EYA4: variants seen among roughly 807,000 people sequenced by gnomAD.
EYA4 encodes the protein protein phosphatase EYA4.
Under a neutral mutation model 87.9 loss-of-function variants are expected in EYA4, and 31 were observed. That is an observed-to-expected ratio of 0.35 (90% CI 0.27 to 0.48). The LOEUF is 0.48. EYA4 is among the 20% of genes least tolerant of loss of function. The probability of loss-of-function intolerance (pLI) is 0.99; values close to 1 mark genes in which losing one functional copy is unlikely to be tolerated. For missense variants in EYA4, 678 were observed against 761.4 expected (o/e 0.89, Z 1.29); for synonymous variants, 263 against 270.6 (o/e 0.97, Z 0.28).
chr6:133,389,112 C>T (rs1441008818), intron 3 of EYA4, among the ~76,000 whole-genome samples: 2 of 152,122 alleles, frequency 1.3e-5, no homozygotes, highest in Admixed American at 6.5e-5. Context: ...GTTTTGCGCC[C>T]GTTGCAGCAC....
chr6:133,297,590 C>T (rs894293078), intron 2 of EYA4, among the ~76,000 whole-genome samples: 1 of 152,200 alleles, frequency 6.6e-6, no homozygotes, highest in African/African-American at 2.4e-5. Flanking sequence ...TACTAACACC[C>T]AAGTTTGAGT....
chr6:133,389,113 G>A (rs1016964958), intron 3 of EYA4, among the ~76,000 whole-genome samples: 3 of 152,086 alleles, frequency 2.0e-5, no homozygotes, highest in Middle Eastern at 6.8e-3. Context: ...TTTTGCGCCC[G>A]TTGCAGCACT....
chr6:133,461,437 A>C (rs934444147), intron 7 of EYA4, among the ~76,000 whole-genome samples: 6 of 152,162 alleles, frequency 3.9e-5, no homozygotes, highest in Non-Finnish European at 8.8e-5. Context: ...AAAAATCTAA[A>C]GAGATTACAT....
intron 13 of EYA4, among the ~76,000 whole-genome samples, chr6:133,486,139 T>G (rs953704127): frequency 6.6e-6 from 1 of 152,360 alleles, no homozygotes; most frequent in East Asian, 1.9e-4. Flanking sequence ...GGCTATATTT[T>G]TTTTAATAAA....
intron 17 of EYA4, among the ~76,000 whole-genome samples, chr6:133,516,968 C>T (rs1799652643): frequency 6.6e-6 from 1 of 152,134 alleles, no homozygotes; most frequent in South Asian, 2.1e-4. Context: ...AATAGTGCTG[C>T]AGTGAACATG....
chr6:133,454,128 C>G (rs1205150764), intron 5 of EYA4, among the ~76,000 whole-genome samples: 1 of 152,130 alleles, frequency 6.6e-6, no homozygotes, highest in Non-Finnish European at 1.5e-5. Context: ...ACACAGCTCA[C>G]ATTCTGCCAC....
At chr6:133,279,475 C>T (rs780317281) in intron 2 of EYA4, among the ~76,000 whole-genome samples, 7 of 151,992 alleles carry the variant, frequency 4.6e-5, no homozygotes, top group Non-Finnish European at 1.0e-4. Context: ...AAATATAATA[C>T]ATTTATATTT....
Position 133,370,246 on chromosome 6 carries a change from A to G in EYA4, c.34-12146A>G, listed in dbSNP as rs569719579. Among the ~76,000 whole-genome samples the G allele has an allele frequency of 2.6e-5, 4 of 152,326 alleles. No individual in the cohort carries two copies. The South Asian group carries it at 8.3e-4, about 32-fold the overall frequency. On this transcript the variant is annotated intron_variant, in intron 2 of 19. Coordinates refer to ENST00000355286, the MANE Select transcript of EYA4 (RefSeq NM_004100.5). The stretch of plus-strand genomic sequence containing the variant: ...CACTACAGAACTGACTTCCAAATAC[A>G]GCTGGAATAAATTTCAGGTTTTGGG...
intron 13 of EYA4, among the ~76,000 whole-genome samples, chr6:133,504,712 T>C (rs750348943): frequency 7.9e-5 from 12 of 152,174 alleles, no homozygotes; most frequent in Non-Finnish European, 1.3e-4. Flanking sequence ...TAAAATGGAT[T>C]ATCATAGTGG....
At chr6:133,448,038 A>C (rs1003363041) in intron 4 of EYA4, 73 bp from the exon 5 acceptor site, 2 of 1,162,734 alleles carry the variant, frequency 1.7e-6, no homozygotes, top group Non-Finnish European at 2.6e-6. Context: ...AAACCAGTGC[A>C]AGCATTGAAG....
chr6:133,468,823 G>C, intron 11 of EYA4, 92 bp downstream of exon 11: 3 of 1,284,566 alleles, frequency 2.3e-6, no homozygotes, highest in Non-Finnish European at 3.4e-6. Flanking sequence ...ATGGCGGAAA[G>C]CTCCCAGATA....
At chr6:133,407,437 G>C (rs296430) in intron 3 of EYA4, among the ~76,000 whole-genome samples, 97,684 of 151,814 alleles carry the variant, frequency 0.64, 32,702 homozygotes, top group Non-Finnish European at 0.74. Flanking sequence ...GGCTTTGGCT[G>C]TTACTCACTC....
chr6:133,316,046 G>A (rs1049455225), intron 2 of EYA4, among the ~76,000 whole-genome samples: 6 of 152,114 alleles, frequency 3.9e-5, no homozygotes, highest in East Asian at 1.9e-4. Flanking sequence ...CGCAGACCCT[G>A]GCTGGGCTCA....
chr6:133,466,171 G>C (rs973262632), intron 10 of EYA4, among the ~76,000 whole-genome samples: 15 of 152,092 alleles, frequency 9.9e-5, no homozygotes, highest in African/African-American at 3.6e-4. Flanking sequence ...ATGGGATATA[G>C]TGAATATAAT....
chr6:133,327,042 G>T (rs370697024), intron 2 of EYA4, among the ~76,000 whole-genome samples: 136 of 152,204 alleles, frequency 8.9e-4, no homozygotes, highest in African/African-American at 3.1e-3. Flanking sequence ...CTTTTCAGTG[G>T]AGTGGTATAT....
chr6:133,312,068 G>A (rs62431672), intron 2 of EYA4, among the ~76,000 whole-genome samples: 28,723 of 152,102 alleles, frequency 0.19, 2,810 homozygotes, highest in African/African-American at 0.23. Flanking sequence ...CTGAGGTGAT[G>A]AGTGGGAGTA....
At chr6:133,475,437 A>G (rs911640759) in intron 11 of EYA4, among the ~76,000 whole-genome samples, 1 of 152,104 alleles carries the variant, frequency 6.6e-6, no homozygotes, top group African/African-American at 2.4e-5. Flanking sequence ...ACATTACAAT[A>G]CATTAGCTAA....
At chr6:133,526,526 G>T (rs534674474) in intron 19 of EYA4, among the ~76,000 whole-genome samples, 16 of 152,282 alleles carry the variant, frequency 1.1e-4, no homozygotes, top group Admixed American at 5.2e-4. Context: ...TAGAAGTTTT[G>T]GTGACGTATT....
chr6:133,335,495 G>A (rs1475780143), intron 2 of EYA4, among the ~76,000 whole-genome samples: 1 of 152,190 alleles, frequency 6.6e-6, no homozygotes, highest in Non-Finnish European at 1.5e-5. Flanking sequence ...CATGTTGCTT[G>A]CAATCAAGTT....
Sources: allele counts gnomAD v4.1 joint callset (sites outside exome capture counted in the v4.1 genomes callset), GRCh38; gene constraint gnomAD v4.1.1; transcripts MANE v1.5; gene names NCBI Gene and HGNC (gene_info 2026-07-23, HGNC 2026-07-21).